TCEANC2: variants seen among roughly 807,000 people sequenced by gnomAD.
The protein encoded by TCEANC2 is transcription elongation factor A N-terminal and central domain containing 2, also known as transcription elongation factor A N-terminal and central domain-containing protein 2.
Under a neutral mutation model 22.8 loss-of-function variants are expected in TCEANC2, and 20 were observed. The ratio of observed to expected loss-of-function variants is 0.88; its 90% CI spans 0.62 to 1.28. The LOEUF is 1.28. Ranked by LOEUF, TCEANC2 falls within the 50% of genes most tolerant of loss-of-function variation. The pLI is 0.00. For synonymous variants in TCEANC2, 84 were observed against 95.5 expected (o/e 0.88, Z 0.70); for missense variants, 251 against 249.7 (o/e 1.01, Z -0.03).
At chr1:54,078,303 C>T (rs1405752215) in intron 3 of TCEANC2, among the ~76,000 whole-genome samples, 1 of 152,092 alleles carries the variant, frequency 6.6e-6, no homozygotes, top group Non-Finnish European at 1.5e-5. Context: ...GAAACTGAGA[C>T]CCAGAGAGAT....
exon 5 of TCEANC2, chr1:54,112,358 C>T (rs760774923): frequency 6.6e-6 from 1 of 152,136 alleles, no homozygotes; most frequent in Non-Finnish European, 1.5e-5. Flanking sequence ...GAGACCCTGT[C>T]TCAAACAACA....
intron 3 of TCEANC2, among the ~76,000 whole-genome samples, chr1:54,083,714 C>T (rs1463676944): frequency 6.6e-6 from 1 of 152,050 alleles, no homozygotes; most frequent in East Asian, 1.9e-4. Flanking sequence ...ATAACACAGC[C>T]CAGGCTGTTA....
intron 3 of TCEANC2, among the ~76,000 whole-genome samples, chr1:54,073,611 A>G (rs570643371): frequency 1.6e-4 from 24 of 152,322 alleles, no homozygotes; most frequent in African/African-American, 5.5e-4. Context: ...TTAGTCCGCC[A>G]TAAAGCTTGA....
rs1018390315 is a variant in TCEANC2, at chr1:54,096,524, C to T, written c.*51C>T. 2 of 1,549,670 alleles carry T rather than the reference C, an allele frequency of 1.3e-6. No homozygotes were observed. Among genetic ancestry groups the T allele is most frequent in the South Asian group, 1.2e-5 (1 of 84,636 alleles). On this transcript the variant is annotated 3_prime_UTR_variant, in exon 5 of 5. Coordinates refer to ENST00000234827, the MANE Select transcript of TCEANC2 (RefSeq NM_153035.3). The surrounding 1 kb of genome is among the most constrained non-coding windows in gnomAD (Gnocchi z 4.9). ...CAGGCAGAGAGGAAAATGGGCCTGT[C>T]TCTGCCGTTCAAAGACGCTTTTGAG...
At chr1:54,094,082 C>T (rs1411585886) in intron 4 of TCEANC2, among the ~76,000 whole-genome samples, 2 of 152,176 alleles carry the variant, frequency 1.3e-5, no homozygotes, top group African/African-American at 4.8e-5. Context: ...AGCGCCAAGT[C>T]CACTCACTCC....
intron 3 of TCEANC2, among the ~76,000 whole-genome samples, chr1:54,072,357 T>A (rs947676018): frequency 2.0e-5 from 3 of 152,004 alleles, no homozygotes; most frequent in Non-Finnish European, 2.9e-5. Context: ...TTTCAATAAC[T>A]GTTTTTCATT....
intron 3 of TCEANC2, 41 bp from the exon 4 acceptor site, chr1:54,088,556 A>C: frequency 6.5e-7 from 1 of 1,534,846 alleles, no homozygotes; most frequent in Non-Finnish European, 8.8e-7. Flanking sequence ...TCAGAAGAAG[A>C]TGTAACAACC....
chr1:54,066,325 AAAG>A (rs1408371924), intron 2 of TCEANC2, among the ~76,000 whole-genome samples: 2 of 152,136 alleles, frequency 1.3e-5, no homozygotes, highest in Non-Finnish European at 1.5e-5. Flanking sequence ...AAGAAGAAAA[AAAG>A]AAGAGAAAAT....
At chr1:54,111,866 C>A (rs1178092435) in exon 5 of TCEANC2, 2 of 152,218 alleles carry the variant, frequency 1.3e-5, no homozygotes, top group African/African-American at 4.8e-5. Context: ...TGTCATGCTC[C>A]CCCAGTGCCC....
In TCEANC2 at chr1:54,054,489, A is replaced by G; in HGVS notation, c.67A>G (p.Lys23Glu). The G allele has an allele frequency of 6.2e-7, 1 of 1,613,886 alleles. No homozygotes were observed. Among genetic ancestry groups the G allele is most frequent in the Non-Finnish European group, 8.5e-7 (1 of 1,179,916 alleles). The change falls in exon 2 of 5, where the codon AAG (lysine) becomes GAG (glutamate). Residue 23 changes from lysine (K) to glutamate (E), a missense_variant. Coordinates refer to ENST00000234827, the MANE Select transcript of TCEANC2 (RefSeq NM_153035.3). ...NSPQKKDSGG[K>E]VYKQATIESL... ...CCCTCAGAAGAAAGATTCTGGAGGA[A>G]AGGTTTACAAGCAGGCCACGATTGA...
chr1:54,076,586 A>G (rs1163880766), intron 3 of TCEANC2, among the ~76,000 whole-genome samples: 2 of 152,216 alleles, frequency 1.3e-5, no homozygotes, highest in East Asian at 1.9e-4. Flanking sequence ...TTAGCAACCT[A>G]TGAGCTTTAG....
chr1:54,107,285 A>G (rs1258837823), downstream of TCEANC2, among the ~76,000 whole-genome samples: 3 of 152,126 alleles, frequency 2.0e-5, no homozygotes, highest in African/African-American at 7.2e-5. Context: ...GTTGGAATTC[A>G]GGGTTTTGGG....
At chr1:54,068,027 C>T (rs551360180) in intron 2 of TCEANC2, among the ~76,000 whole-genome samples, 46 of 152,262 alleles carry the variant, frequency 3.0e-4, no homozygotes, top group Non-Finnish European at 6.0e-4. Flanking sequence ...GTTTGCAACA[C>T]AGTGTGAAGA....
chr1:54,077,037 G>C (rs1017762060), intron 3 of TCEANC2, among the ~76,000 whole-genome samples: 8 of 152,154 alleles, frequency 5.3e-5, no homozygotes, highest in Non-Finnish European at 1.0e-4. Context: ...AGGTATGGCT[G>C]TAAACATTGA....
chr1:54,091,731 C>T (rs368319319), intron 4 of TCEANC2, among the ~76,000 whole-genome samples: 9 of 152,272 alleles, frequency 5.9e-5, no homozygotes, highest in East Asian at 5.8e-4. Flanking sequence ...TTACTTTCTC[C>T]CTTCCAGATC....
At chr1:54,082,480 T>C (rs1658265482) in intron 3 of TCEANC2, among the ~76,000 whole-genome samples, 2 of 152,246 alleles carry the variant, frequency 1.3e-5, no homozygotes, top group Admixed American at 1.3e-4. Context: ...CTAGGCACTA[T>C]GCTGGGGGGC....
At position 54,097,042 on chromosome 1, in the gene TCEANC2, C is replaced by A. The variant is rs758350629; in HGVS notation, c.*569C>A. On this transcript the variant is annotated 3_prime_UTR_variant, in exon 5 of 5. Coordinates refer to ENST00000234827, the MANE Select transcript of TCEANC2 (RefSeq NM_153035.3). The stretch of plus-strand genomic sequence containing the variant: ...TCAGCTCTCCCTGGAAGACCTTCTG[C>A]GTTGGTCTCCAGAGCCCCCATGCTG... 24 of 958,404 alleles carry A rather than the reference C, an allele frequency of 2.5e-5. No homozygotes were observed. The highest frequency in any genetic ancestry group is 2.9e-5 in the Non-Finnish European group (23 of 805,084). The allele number at this position is 958,404 out of a possible 1,614,324, so 59.4% of individuals were successfully genotyped here.
At chr1:54,057,966 A>G (rs564256997) in intron 2 of TCEANC2, among the ~76,000 whole-genome samples, 78 of 152,192 alleles carry the variant, frequency 5.1e-4, no homozygotes, top group Non-Finnish European at 1.0e-3. Context: ...TGCAATAATT[A>G]AGAACATAGA....
intron 2 of TCEANC2, among the ~76,000 whole-genome samples, chr1:54,066,312 C>T (rs914756924): frequency 8.0e-5 from 12 of 150,798 alleles, no homozygotes; most frequent in Non-Finnish European, 1.5e-4. Context: ...AAAGAAGATA[C>T]GAAAGAAGAA....
Sources: allele counts gnomAD v4.1 joint callset (sites outside exome capture counted in the v4.1 genomes callset), GRCh38; gene constraint gnomAD v4.1.1; non-coding constraint Gnocchi (gnomAD v3.1); transcripts MANE v1.5; gene names NCBI Gene and HGNC (gene_info 2026-07-23, HGNC 2026-07-21).